Variants in SMCHD1 observed in about 807,000 individuals in gnomAD.
SMCHD1 encodes the protein structural maintenance of chromosomes flexible hinge domain-containing protein 1.
A neutral mutation model predicts 254.7 loss-of-function variants in SMCHD1; 78 were observed. That is an observed-to-expected ratio of 0.31 (90% CI 0.26 to 0.37). The LOEUF is 0.37. Ranked by LOEUF, SMCHD1 falls within the 10% of genes least tolerant of loss-of-function variation. The probability of loss-of-function intolerance (pLI) is 1.00; values close to 1 mark genes in which losing one functional copy is unlikely to be tolerated. For missense variants in SMCHD1, 1,840 were observed against 2,408.1 expected, an observed-to-expected ratio of 0.76 and a Z score of 4.94; for synonymous variants, 766 against 794.9, an observed-to-expected ratio of 0.96 and a Z score of 0.61.
intron 19 of SMCHD1, among the ~76,000 whole-genome samples, chr18:2,721,166 A>G (rs1014987958): frequency 1.8e-4 from 28 of 152,164 alleles, no homozygotes; most frequent in Admixed American, 1.3e-3. Context: ...AATCAGATTC[A>G]GTCTCTGCTT....
chr18:2,796,014 CAATT>C lies in SMCHD1; in HGVS notation c.5787_5790del (p.Leu1930SerfsTer8). The C allele has an allele frequency of 6.3e-7, 1 of 1,596,426 alleles. No homozygotes were observed. Among genetic ancestry groups the C allele is most frequent in the Non-Finnish European group, 8.5e-7 (1 of 1,171,004 alleles). On this transcript the variant is annotated frameshift_variant, in exon 46 of 48. Transcript: ENST00000320876. LOFTEE classifies it high-confidence loss of function. ...CAGTGTGAATAAGGATCTTAACAGT[CAATT>C]AGAGTACCTTCGCACTCCGGATATG...
intron 5 of SMCHD1, among the ~76,000 whole-genome samples, chr18:2,684,526 T>C (rs1214476651): frequency 6.6e-6 from 1 of 152,192 alleles, no homozygotes; most frequent in African/African-American, 2.4e-5. Context: ...GCTATAGATA[T>C]TTGTGTCTTA....
chr18:2,706,502 T>G (rs755744762), intron 15 of SMCHD1, 32 bp downstream of exon 15: 251 of 1,446,100 alleles, frequency 1.7e-4, no homozygotes, highest in Non-Finnish European at 2.4e-4. Context: ...ATGACAAAAA[T>G]AAGAAAAATT....
chr18:2,708,890 ATATATATATATATATAT>A lies in SMCHD1; in HGVS notation c.2260+971_2260+987del, dbSNP rs1568198460. 7.3e-3 allele frequency among the ~76,000 whole-genome samples: 549 copies of A among 75,510 alleles called. 68 individuals carry two copies. Among genetic ancestry groups the A allele is most frequent in the East Asian group, 0.02 (36 of 1,774 alleles). The allele number at this position is 75,510 out of a possible 152,430, so 49.5% of individuals were successfully genotyped here. On this transcript the variant is annotated intron_variant, in intron 17 of 47. Transcript: ENST00000320876. ...TTCATATATATATATATATATATAT[ATATATATATATATATAT>A]AACATATTAACATGAAATTTATGAA...
chr18:2,720,607 T>A (rs534161139), intron 19 of SMCHD1, among the ~76,000 whole-genome samples: 35 of 152,326 alleles, frequency 2.3e-4, no homozygotes, highest in Non-Finnish European at 4.3e-4. Flanking sequence ...GTGGAGCCTT[T>A]CAGTCACCTG....
At chr18:2,790,387 TTC>T (rs1440394690) in intron 45 of SMCHD1, among the ~76,000 whole-genome samples, 2 of 152,236 alleles carry the variant, frequency 1.3e-5, no homozygotes, top group African/African-American at 2.4e-5. Context: ...TATATTTTTA[TTC>T]TGTTTTATTG....
Position 2,712,972 on chromosome 18 carries a change from C to T in SMCHD1, c.2260+5052C>T, listed in dbSNP as rs569515752. Among the ~76,000 whole-genome samples the T allele has an allele frequency of 2.0e-5, 3 of 152,290 alleles. No homozygotes were observed. In the East Asian group the frequency reaches 5.8e-4, roughly 29 times the overall value. On this transcript the variant is annotated intron_variant, in intron 17 of 47. Transcript: ENST00000320876. ...ACAACTGTTTTCTTTTGGTTCTTAT[C>T]GAACCCCAGTTTTCCCAACTCTAGA... is the stretch of plus-strand genomic sequence containing the variant.
At chr18:2,695,370 C>T (rs1220750020) in intron 8 of SMCHD1, among the ~76,000 whole-genome samples, 4 of 149,668 alleles carry the variant, frequency 2.7e-5, no homozygotes, top group Admixed American at 6.7e-5. Context: ...AGTGCAATGG[C>T]GCACTCTTGG....
intron 10 of SMCHD1, among the ~76,000 whole-genome samples, chr18:2,699,550 G>A (rs2074355309): frequency 6.6e-6 from 1 of 152,160 alleles, no homozygotes; most frequent in Non-Finnish European, 1.5e-5. Flanking sequence ...ATGTTGCCAA[G>A]GGTAGTCTCA....
intron 5 of SMCHD1, among the ~76,000 whole-genome samples, chr18:2,687,961 T>G (rs538537494): frequency 6.6e-6 from 1 of 152,324 alleles, no homozygotes; most frequent in East Asian, 1.9e-4. Context: ...TATGGTGCAC[T>G]GTTCCCTCAG....
At chr18:2,783,665 T>A (rs2076194196) in intron 44 of SMCHD1, among the ~76,000 whole-genome samples, 1 of 151,956 alleles carries the variant, frequency 6.6e-6, no homozygotes, top group Non-Finnish European at 1.5e-5. Flanking sequence ...CTCCGCCTCC[T>A]GGATTCAAGC....
At chr18:2,765,849 A>G (rs2075857278) in intron 37 of SMCHD1, among the ~76,000 whole-genome samples, 1 of 152,200 alleles carries the variant, frequency 6.6e-6, no homozygotes, top group East Asian at 1.9e-4. Context: ...AAATTAGGTA[A>G]TGAAAGCCAC....
chr18:2,724,957 G>A lies in SMCHD1; in HGVS notation c.2662G>A (p.Val888Ile). The A allele has an allele frequency of 5.6e-6, 9 of 1,593,622 alleles. No individual in the cohort carries two copies. The highest frequency in any genetic ancestry group is 7.7e-6 in the Non-Finnish European group (9 of 1,167,402). The change falls in exon 21 of 48, where the codon GTT (valine) becomes ATT (isoleucine). Residue 888 changes from valine (V) to isoleucine (I), a missense_variant. Val to Ile is a conservative substitution (Grantham distance 29, BLOSUM62 3). Transcript: ENST00000320876. ...TKGPNCVIRG[V>I]TAKGPVNSCQ... ...AGGACCAAATTGTGTAATTCGAGGT[G>A]TTACAGCCAAGGGCCCTGTAAACTC...
At chr18:2,701,500 A>G (rs1175906938) in intron 12 of SMCHD1, among the ~76,000 whole-genome samples, 1 of 152,330 alleles carries the variant, frequency 6.6e-6, no homozygotes, top group East Asian at 1.9e-4. Flanking sequence ...TAGAAGCCAC[A>G]GAAGCATCTT....
Position 2,750,094 on chromosome 18 carries a change from T to C in SMCHD1, c.3979T>C (p.Leu1327=), listed in dbSNP as rs764857043. 8 of 1,581,144 alleles carry C rather than the reference T, an allele frequency of 5.1e-6. No homozygotes were observed. In the East Asian group the frequency reaches 1.4e-4, roughly 27 times the overall value. ...HKTDEKGRAN[L]GVFSVFAPRG... ...AACAGATGAGAAAGGCAGGGCTAAT[T>C]TGGGAGTATTCAGTGTTTTTGCCCC... Residue 1327 remains leucine (L), a synonymous_variant, in exon 31 of 48, where the codon TTG becomes CTG. Transcript: ENST00000320876.
At chr18:2,693,617 A>G (rs553223174) in intron 7 of SMCHD1, among the ~76,000 whole-genome samples, 5 of 144,846 alleles carry the variant, frequency 3.5e-5, no homozygotes, top group Admixed American at 2.7e-4. Flanking sequence ...CGTGCATACC[A>G]TGTTTTTTGT....
chr18:2,725,468 A>G (rs1225205354), intron 21 of SMCHD1, among the ~76,000 whole-genome samples: 2 of 151,954 alleles, frequency 1.3e-5, no homozygotes, highest in African/African-American at 4.8e-5. Flanking sequence ...TTAAGGAAGG[A>G]ATCCTATGCA....
intron 17 of SMCHD1, among the ~76,000 whole-genome samples, chr18:2,715,564 A>C (rs1028931781): frequency 1.5e-5 from 2 of 131,354 alleles, no homozygotes; most frequent in Admixed American, 9.1e-5. Flanking sequence ...GAGCTTCTTT[A>C]AAAATCAGTA....
chr18:2,735,186 C>T (rs988039475), intron 25 of SMCHD1, among the ~76,000 whole-genome samples: 9 of 152,106 alleles, frequency 5.9e-5, no homozygotes, highest in South Asian at 2.1e-4. Flanking sequence ...AAATTAAAAC[C>T]GTATGATTTA....
Sources: allele counts gnomAD v4.1 joint callset (sites outside exome capture counted in the v4.1 genomes callset), GRCh38; gene constraint gnomAD v4.1.1; transcripts MANE v1.5; gene names NCBI Gene and HGNC (gene_info 2026-07-23, HGNC 2026-07-21).